KITLG: variants seen among roughly 807,000 people sequenced by gnomAD.
KITLG encodes KIT ligand, also known as c-Kit ligand.
A neutral mutation model predicts 34.1 loss-of-function variants in KITLG; 13 were observed. The observed-to-expected ratio is 0.38, with a 90% CI of 0.25 to 0.61. The LOEUF (loss-of-function observed/expected upper bound fraction) is 0.61, where lower values mean the gene tolerates loss of function less well. KITLG is among the 20% of genes least tolerant of loss of function. The pLI is 0.60. For synonymous variants in KITLG, 110 were observed against 104.0 expected (o/e 1.06, Z -0.35); for missense variants, 292 against 318.9 (o/e 0.92, Z 0.64).
At chr12:88,549,114 A>T (rs904765246) in intron 1 of KITLG, among the ~76,000 whole-genome samples, 3 of 152,188 alleles carry the variant, frequency 2.0e-5, no homozygotes, top group Non-Finnish European at 4.4e-5. Flanking sequence ...TATTTAAGGC[A>T]TCTGTTATTT....
intron 1 of KITLG, among the ~76,000 whole-genome samples, chr12:88,566,396 G>T (rs1026447054): frequency 2.6e-5 from 4 of 152,332 alleles, no homozygotes; most frequent in African/African-American, 9.6e-5. Flanking sequence ...AGACAACTTA[G>T]CTAGGTAAGT....
intron 1 of KITLG, among the ~76,000 whole-genome samples, chr12:88,555,960 C>T (rs932895495): frequency 6.6e-6 from 1 of 152,022 alleles, no homozygotes; most frequent in African/African-American, 2.4e-5. Flanking sequence ...CCCTCAACTG[C>T]CCCCTGCCCC....
intron 1 of KITLG, among the ~76,000 whole-genome samples, chr12:88,556,031 G>A (rs1024777768): frequency 2.6e-5 from 4 of 152,030 alleles, no homozygotes; most frequent in African/African-American, 4.8e-5. Context: ...ATTTGAGGGA[G>A]GGGCTGATAG....
chr12:88,576,490 A>C (rs1871828249), intron 1 of KITLG, among the ~76,000 whole-genome samples: 1 of 152,208 alleles, frequency 6.6e-6, no homozygotes, highest in Non-Finnish European at 1.5e-5. Context: ...ATAGTAAGCT[A>C]CTATGCTGGT....
intron 3 of KITLG, among the ~76,000 whole-genome samples, chr12:88,527,311 A>G (rs1869910863): frequency 6.6e-6 from 1 of 152,220 alleles, no homozygotes; most frequent in South Asian, 2.1e-4. Context: ...TCTATTCAGG[A>G]AGAATCAAAA....
intron 9 of KITLG, among the ~76,000 whole-genome samples, chr12:88,497,459 G>C (rs1012398646): frequency 1.3e-5 from 2 of 152,142 alleles, no homozygotes; most frequent in African/African-American, 2.4e-5. Flanking sequence ...AGGGCAGGGA[G>C]CTTCTCTATC....
chr12:88,518,161 C>T (rs1164177180), intron 4 of KITLG, among the ~76,000 whole-genome samples: 1 of 152,050 alleles, frequency 6.6e-6, no homozygotes, highest in South Asian at 2.1e-4. Context: ...AACTCATTAG[C>T]GACAGAGCCA....
intron 1 of KITLG, among the ~76,000 whole-genome samples, chr12:88,558,306 T>C (rs192901481): frequency 4.9e-4 from 74 of 152,160 alleles, no homozygotes; most frequent in African/African-American, 1.4e-3. Flanking sequence ...TTCAACAAAG[T>C]TCCCCCCACC....
At chr12:88,562,620 AC>A (rs1871332256) in intron 1 of KITLG, among the ~76,000 whole-genome samples, 2 of 152,202 alleles carry the variant, frequency 1.3e-5, no homozygotes, top group African/African-American at 4.8e-5. Flanking sequence ...AGGCTCAATA[AC>A]TTCTAAATTC....
rs116267506 is a variant in KITLG at position 88,559,066 on chromosome 12, G to A, written c.16-13201C>T. Among the ~76,000 whole-genome samples, 1,244 of 152,124 alleles carry A rather than the reference G, an allele frequency of 8.2e-3. 22 individuals are homozygous for A. Among genetic ancestry groups the A allele is most frequent in the African/African-American group, 0.028 (1,179 of 41,486 alleles). On this transcript the variant is annotated intron_variant, in intron 1 of 9. Transcript: ENST00000644744. ...CACCCCCTGTTCCCCAATAACCTAT[G>A]GAAATTAAAAACAAAAAAGATAAGA...
At chr12:88,563,790 A>G (rs909818279) in intron 1 of KITLG, among the ~76,000 whole-genome samples, 42 of 152,194 alleles carry the variant, frequency 2.8e-4, no homozygotes, top group African/African-American at 9.4e-4. Flanking sequence ...GGGAAACCCC[A>G]CCTCTACTAA....
chr12:88,500,871 T>G (rs1440316889), intron 9 of KITLG, among the ~76,000 whole-genome samples: 1 of 152,142 alleles, frequency 6.6e-6, no homozygotes. Context: ...CCTCAACCTC[T>G]CGGGCTCAGG....
intron 2 of KITLG, among the ~76,000 whole-genome samples, chr12:88,541,816 T>TAA (rs113259992): frequency 2.6e-5 from 4 of 151,338 alleles, no homozygotes; most frequent in Middle Eastern, 6.8e-3. Context: ...AAGAAGAAAT[T>TAA]AAAAAAAAAA....
intron 3 of KITLG, among the ~76,000 whole-genome samples, chr12:88,527,651 T>C (rs1869927844): frequency 6.6e-6 from 1 of 152,212 alleles, no homozygotes; most frequent in Non-Finnish European, 1.5e-5. Context: ...GGCCTTAAAG[T>C]GTCTCTCCCC....
chr12:88,552,331 T>C (rs147945657), intron 1 of KITLG, among the ~76,000 whole-genome samples: 15 of 151,472 alleles, frequency 9.9e-5, no homozygotes, highest in African/African-American at 3.4e-4. Context: ...CCTGCCACCA[T>C]GGCTGGCCTT....
chr12:88,505,384 A>C, intron 8 of KITLG, 149 bp from the exon 9 acceptor site: 1 of 669,390 alleles, frequency 1.5e-6, no homozygotes, highest in Non-Finnish European at 2.7e-6. Context: ...TCTTATTACT[A>C]TAGGGAAGAG....
At chr12:88,546,125 G>T (rs2120913414) in intron 1 of KITLG, 1 of 536,796 alleles carries the variant, frequency 1.9e-6, no homozygotes, top group African/African-American at 1.9e-5. Context: ...TTTCCCAATG[G>T]CAATTAGGAA....
At chr12:88,516,621 T>C (rs551617633) in intron 4 of KITLG, 131 bp from the exon 5 acceptor site, 1 of 592,848 alleles carries the variant, frequency 1.7e-6, no homozygotes, top group East Asian at 2.9e-5. Flanking sequence ...TTTAGATGGC[T>C]GTTTTAACGT....
intron 1 of KITLG, among the ~76,000 whole-genome samples, chr12:88,562,609 T>C (rs1382924080): frequency 6.6e-6 from 1 of 152,212 alleles, no homozygotes; most frequent in Non-Finnish European, 1.5e-5. Flanking sequence ...TTCTCACTCT[T>C]AGGCTCAATA....
Sources: allele counts gnomAD v4.1 joint callset (sites outside exome capture counted in the v4.1 genomes callset), GRCh38; gene constraint gnomAD v4.1.1; transcripts MANE v1.5; gene names NCBI Gene and HGNC (gene_info 2026-07-23, HGNC 2026-07-21).